The following FGF12 variants were observed in gnomAD, a reference collection of about 807,000 sequenced individuals.
FGF12 encodes fibroblast growth factor 12B.
FGF12 carries 14 observed loss-of-function variants against 23.6 expected under a neutral mutation model. The observed-to-expected ratio is 0.59, with a 90% confidence interval of 0.39 to 0.93. The LOEUF (loss-of-function observed/expected upper bound fraction) is 0.93, where lower values mean the gene tolerates loss of function less well. FGF12 is among the 40% of genes least tolerant of loss of function. FGF12 has a pLI of 0.00. For missense variants in FGF12, 175 were observed against 217.8 expected (o/e 0.80, Z 1.24); for synonymous variants, 62 against 77.3 (o/e 0.80, Z 1.04).
At chr3:192,687,695 C>A (rs1353978081) in intron 2 of FGF12, among the ~76,000 whole-genome samples, 2 of 152,102 alleles carry the variant, frequency 1.3e-5, no homozygotes, top group East Asian at 1.9e-4. Context: ...AGGCCCCACC[C>A]CCCAGCTCCT....
chr3:192,184,887 A>C (rs1051913619), intron 4 of FGF12, among the ~76,000 whole-genome samples: 8 of 152,246 alleles, frequency 5.3e-5, no homozygotes, highest in African/African-American at 1.7e-4. Context: ...TACATTCTCT[A>C]TCTTTACCAC....
intron 2 of FGF12, among the ~76,000 whole-genome samples, chr3:192,420,084 T>C (rs1721474848): frequency 1.3e-5 from 2 of 152,148 alleles, no homozygotes; most frequent in South Asian, 2.1e-4. Flanking sequence ...CTATGGAAGA[T>C]GGTCATTGAC....
intron 2 of FGF12, among the ~76,000 whole-genome samples, chr3:192,524,549 G>T (rs367745891): frequency 1.8e-4 from 27 of 152,270 alleles, no homozygotes; most frequent in African/African-American, 6.3e-4. Context: ...CATATCAAAG[G>T]CTTGTTGGAC....
chr3:192,498,385 T>G (rs1724024838), intron 2 of FGF12, among the ~76,000 whole-genome samples: 1 of 152,270 alleles, frequency 6.6e-6, no homozygotes, highest in Non-Finnish European at 1.5e-5. Flanking sequence ...CTTCTGCCTG[T>G]GCTGTTATTT....
chr3:192,388,481 T>G (rs1375258182), intron 2 of FGF12, among the ~76,000 whole-genome samples: 1 of 152,056 alleles, frequency 6.6e-6, no homozygotes, highest in Non-Finnish European at 1.5e-5. Context: ...TACAGAAATA[T>G]AATTATTTGC....
chr3:192,243,368 T>C (rs1431605992), intron 4 of FGF12, among the ~76,000 whole-genome samples: 2 of 151,976 alleles, frequency 1.3e-5, no homozygotes, highest in Non-Finnish European at 2.9e-5. Flanking sequence ...ATTAAATCAG[T>C]GTGTTATTGG....
chr3:192,283,915 A>C (rs1196445592), intron 4 of FGF12, among the ~76,000 whole-genome samples: 1 of 152,014 alleles, frequency 6.6e-6, no homozygotes, highest in Non-Finnish European at 1.5e-5. Flanking sequence ...AAAGCCTGAA[A>C]TTCTCCTTCT....
chr3:192,412,317 C>G (rs150493226), intron 2 of FGF12, among the ~76,000 whole-genome samples: 1 of 152,032 alleles, frequency 6.6e-6, no homozygotes, highest in Non-Finnish European at 1.5e-5. Context: ...CAGAAGGTAA[C>G]GAATACAGAG....
chr3:192,281,097 C>T (rs1394368293), intron 4 of FGF12, among the ~76,000 whole-genome samples: 1 of 152,086 alleles, frequency 6.6e-6, no homozygotes, highest in African/African-American at 2.4e-5. Context: ...CCTGGGGCTG[C>T]CACTACAATC....
intron 2 of FGF12, among the ~76,000 whole-genome samples, chr3:192,466,873 T>C (rs1723026279): frequency 6.6e-6 from 1 of 152,148 alleles, no homozygotes; most frequent in Admixed American, 6.5e-5. Context: ...ATGTGGTTTG[T>C]AGACAGACAT....
chr3:192,491,322 T>C (rs532545460), intron 2 of FGF12, among the ~76,000 whole-genome samples: 3 of 152,188 alleles, frequency 2.0e-5, no homozygotes, highest in Non-Finnish European at 2.9e-5. Flanking sequence ...ATGCACCAGA[T>C]AGATCAGTAA....
At chr3:192,685,291 T>A (rs13062531) in intron 2 of FGF12, among the ~76,000 whole-genome samples, 7,540 of 152,256 alleles carry the variant, frequency 0.05, 224 homozygotes, top group Middle Eastern at 0.088. Flanking sequence ...GACCTCGTGA[T>A]CCGCCCGCCT....
intron 4 of FGF12, among the ~76,000 whole-genome samples, chr3:192,226,554 T>C (rs754271240): frequency 1.3e-5 from 2 of 152,146 alleles, no homozygotes; most frequent in African/African-American, 2.4e-5. Context: ...ACTGCTATGG[T>C]CTGAAGTTTT....
At position 192,423,993 on chromosome 3, in the gene FGF12, G is replaced by A. The variant is rs149163656; in HGVS notation, c.14-63455C>T. ...CACTAGCATTCTAGCTCTGATCTCCGAAATTTGAAATTTATTTTCTTCTTC... is the reference window on the plus strand; with the variant it reads ...CACTAGCATTCTAGCTCTGATCTCCAAAATTTGAAATTTATTTTCTTCTTC... On this transcript the variant is annotated intron_variant, in intron 2 of 5. Transcript: ENST00000445105. 1.1e-4 allele frequency among the ~76,000 whole-genome samples: 17 copies of A among 151,908 alleles called. No homozygotes were observed. The East Asian group carries it at 2.3e-3, about 21-fold the overall frequency.
intron 2 of FGF12, among the ~76,000 whole-genome samples, chr3:192,457,138 C>G (rs1030395450): frequency 6.6e-6 from 1 of 152,200 alleles, no homozygotes; most frequent in Admixed American, 6.5e-5. Context: ...GATTCTGAGG[C>G]CTCCCCAGCC....
At chr3:192,636,695 G>C (rs1715597044) in intron 2 of FGF12, among the ~76,000 whole-genome samples, 1 of 152,166 alleles carries the variant, frequency 6.6e-6, no homozygotes, top group Non-Finnish European at 1.5e-5. Flanking sequence ...TGTGCCATGA[G>C]GTAACCTAGC....
intron 4 of FGF12, chr3:192,266,867 A>T (rs549003989): frequency 1.3e-5 from 2 of 152,032 alleles, no homozygotes; most frequent in South Asian, 4.2e-4. Flanking sequence ...TAAAAAGCTA[A>T]CAAAAGGAAA....
chr3:192,694,629 C>T (rs1235922958), intron 2 of FGF12, among the ~76,000 whole-genome samples: 9 of 151,466 alleles, frequency 5.9e-5, no homozygotes, highest in Non-Finnish European at 1.2e-4. Context: ...GGGGTATATA[C>T]GTATACGTAC....
At chr3:192,580,623 T>C (rs556725092) in intron 2 of FGF12, among the ~76,000 whole-genome samples, 5 of 152,224 alleles carry the variant, frequency 3.3e-5, no homozygotes, top group Non-Finnish European at 5.9e-5. Flanking sequence ...TTGTTTTGTT[T>C]TTGAGACGGA....
Sources: allele counts gnomAD v4.1 joint callset (sites outside exome capture counted in the v4.1 genomes callset), GRCh38; gene constraint gnomAD v4.1.1; transcripts MANE v1.5; gene names NCBI Gene and HGNC (gene_info 2026-07-23, HGNC 2026-07-21).